Variants in RASL12 observed in about 807,000 individuals in gnomAD.
RASL12 encodes the protein RAS like family 12, also known as ras-like protein family member 12.
RASL12 carries 16 observed loss-of-function variants against 22.9 expected under a neutral mutation model. The observed-to-expected ratio is 0.70, with a 90% CI of 0.47 to 1.06. The LOEUF (loss-of-function observed/expected upper bound fraction) is 1.06, where lower values mean the gene tolerates loss of function less well. Ranked by LOEUF, RASL12 falls within the 50% of genes least tolerant of loss-of-function variation. The pLI, the probability that RASL12 is intolerant of heterozygous loss-of-function variation, is 0.00. For missense variants in RASL12, 306 were observed against 353.1 expected, an observed-to-expected ratio of 0.87 and a Z score of 1.07; for synonymous variants, 159 against 152.2, an observed-to-expected ratio of 1.04 and a Z score of -0.33.
downstream of RASL12, chr15:65,050,233 CG>C: frequency 1.4e-6 from 1 of 721,930 alleles, no homozygotes; most frequent in Non-Finnish European, 2.3e-6. Flanking sequence ...GGGAATCAGT[CG>C]GGGTGTCTCA....
chr15:65,067,613 C>A, intron 1 of RASL12, 120 bp downstream of exon 1: 1 of 1,229,840 alleles, frequency 8.1e-7, no homozygotes, highest in Non-Finnish European at 1.1e-6. Flanking sequence ...GTGCGACCCT[C>A]CTGGGTGAAG....
intron 1 of RASL12, among the ~76,000 whole-genome samples, chr15:65,067,382 T>C (rs535730071): frequency 1.7e-4 from 26 of 150,404 alleles, no homozygotes; most frequent in African/African-American, 5.9e-4. Context: ...GGTTGGAAGG[T>C]TGGTGGCAGG....
At chr15:65,071,562 G>A (rs1243891369), upstream of RASL12, among the ~76,000 whole-genome samples, 2 of 152,158 alleles carry the variant, frequency 1.3e-5, no homozygotes, top group Non-Finnish European at 1.5e-5. Context: ...CCACTGTCTG[G>A]CTGCTGGAGG....
In RASL12 at chr15:65,055,224, A is replaced by G. The variant is rs1198397511; in HGVS notation, c.476T>C (p.Leu159Pro). The change falls in exon 5 of 5, where the codon CTG (leucine) becomes CCG (proline). Residue 159 changes from leucine to proline, a missense_variant. Leu to Pro is a moderately conservative substitution (Grantham distance 98). Transcript: ENST00000220062. ...GVALAGRFGC[L>P]FFEVSACLDF... ...CAGACAGGCAGAGACCTCGAAAAACAGGCACCCAAACCTGCCTGCCAAAGC... is the reference window on the plus strand; with the variant it reads ...CAGACAGGCAGAGACCTCGAAAAACGGGCACCCAAACCTGCCTGCCAAAGC... 4 of 1,605,882 alleles carry G rather than the reference A, an allele frequency of 2.5e-6. No homozygotes were observed. Among genetic ancestry groups the G allele is most frequent in the African/African-American group, 1.3e-5 (1 of 74,842 alleles).
At chr15:65,046,620 A>C in the RASL12 span, among the ~76,000 whole-genome samples, 2 of 152,158 alleles carry the variant, frequency 1.3e-5, no homozygotes, top group Non-Finnish European at 2.9e-5. Flanking sequence ...AACATATTTT[A>C]AACATATTTT....
At chr15:65,059,302 A>G in intron 3 of RASL12, 43 bp downstream of exon 3, 1 of 1,545,232 alleles carries the variant, frequency 6.5e-7, no homozygotes. Context: ...TCAGGAGGCT[A>G]TACTGACTCA....
At chr15:65,071,723 T>C (rs1225093123), upstream of RASL12, among the ~76,000 whole-genome samples, 2 of 152,000 alleles carry the variant, frequency 1.3e-5, no homozygotes, top group Non-Finnish European at 2.9e-5. Flanking sequence ...TTCCATCTGG[T>C]TGTGTCTGCC....
chr15:65,061,437 T>C (rs2086803466), intron 2 of RASL12, among the ~76,000 whole-genome samples: 1 of 152,216 alleles, frequency 6.6e-6, no homozygotes, highest in Admixed American at 6.5e-5. Flanking sequence ...TTGGAGCTCG[T>C]ACTGTCCAGC....
At position 65,053,451 on chromosome 15, in the gene RASL12, G is replaced by C; in HGVS notation, c.*1448C>G. ...CACACATACACACACAAGTGGCCTG[G>C]AGCAAAAGTGCAAAATCCGTAGCTG... On this transcript the variant is annotated 3_prime_UTR_variant, in exon 5 of 5. Coordinates refer to ENST00000220062, the MANE Select transcript of RASL12 (RefSeq NM_016563.4). 8.4e-7 allele frequency: 1 copy of C among 1,191,118 alleles called. No individual in the cohort carries two copies. The highest frequency in any genetic ancestry group is 1.0e-6 in the Non-Finnish European group (1 of 959,306). The allele number at this position is 1,191,118 out of a possible 1,614,324, so 73.8% of individuals were successfully genotyped here.
chr15:65,061,865 C>A (rs2086809769), intron 2 of RASL12, among the ~76,000 whole-genome samples: 1 of 151,682 alleles, frequency 6.6e-6, no homozygotes, highest in African/African-American at 2.4e-5. Context: ...CTGCTGAACA[C>A]GGTGAAACCC....
downstream of RASL12, chr15:65,049,842 G>A (rs1328399625): frequency 2.0e-6 from 1 of 506,524 alleles, no homozygotes; most frequent in African/African-American, 2.0e-5. Context: ...TTTGGGCACA[G>A]AGGGAGATCA....
downstream of RASL12, chr15:65,050,131 G>T: frequency 6.5e-7 from 1 of 1,528,294 alleles, no homozygotes. Flanking sequence ...CGGCAGGGGT[G>T]GGGGTGTGCC....
rs1164963991 is a variant in RASL12, at chr15:65,059,393, A to G, written c.186T>C (p.Thr62=). The G allele has an allele frequency of 1.9e-6, 3 of 1,614,016 alleles. No individual in the cohort carries two copies. The South Asian group carries it at 3.3e-5, about 18-fold the overall frequency. Residue 62 remains threonine, a synonymous_variant, in exon 3 of 5, where the codon ACT becomes ACC. Coordinates refer to ENST00000220062, the MANE Select transcript of RASL12 (RefSeq NM_016563.4). ...TCAGGTGGACAGGCTGGTGGTCCACAGTCTCCTCGGAGCTGTAGGTGTCCT... is the reference window on the plus strand; with the variant it reads ...TCAGGTGGACAGGCTGGTGGTCCACGGTCTCCTCGGAGCTGTAGGTGTCCT... ...NLEDTYSSEE[T]VDHQPVHLRV...
chr15:65,072,325 C>T (rs532948826), upstream of RASL12, among the ~76,000 whole-genome samples: 94 of 152,348 alleles, frequency 6.2e-4, 3 homozygotes, highest in South Asian at 0.019. Flanking sequence ...TCCCCACATC[C>T]CATCACTGCT....
At chr15:65,063,360 C>T (rs2086836147) in intron 2 of RASL12, among the ~76,000 whole-genome samples, 1 of 152,168 alleles carries the variant, frequency 6.6e-6, no homozygotes, top group African/African-American at 2.4e-5. Flanking sequence ...TCCTGTCCTC[C>T]CACCTCACCT....
chr15:65,048,821 C>T (rs1185894875), downstream of RASL12, among the ~76,000 whole-genome samples: 1 of 151,984 alleles, frequency 6.6e-6, no homozygotes, highest in African/African-American at 2.4e-5. Flanking sequence ...CCAGCCTGGC[C>T]AACATGGTGA....
chr15:65,050,202 C>A (rs979826124), downstream of RASL12: 2 of 899,700 alleles, frequency 2.2e-6, no homozygotes, highest in African/African-American at 1.7e-5. Flanking sequence ...CCAGGTCAGG[C>A]GGTACATTTC....
chr15:65,053,394 T>G lies in RASL12; in HGVS notation c.*1505A>C, dbSNP rs1286602891. ...GCTCCTGGAAGGGAGCAGGTGGTAT[T>G]GCATAGTTTGTTCAGATGGCAGTGG... is the stretch of plus-strand genomic sequence containing the variant. On this transcript the variant is annotated 3_prime_UTR_variant, in exon 5 of 5. Transcript: ENST00000220062. The G allele has an allele frequency of 7.4e-7, 1 of 1,353,630 alleles. No homozygotes were observed. Among genetic ancestry groups the G allele is most frequent in the Non-Finnish European group, 9.5e-7 (1 of 1,054,998 alleles). 83.9% of individuals were successfully genotyped at this position (1,353,630 alleles called of 1,614,324 possible).
chr15:65,050,930 T>C (rs1455994882), downstream of RASL12, among the ~76,000 whole-genome samples: 2 of 146,464 alleles, frequency 1.4e-5, no homozygotes. Flanking sequence ...CTGCAAGCTC[T>C]GCCTCCTGGA....
Sources: allele counts gnomAD v4.1 joint callset (sites outside exome capture counted in the v4.1 genomes callset), GRCh38; gene constraint gnomAD v4.1.1; transcripts MANE v1.5; gene names NCBI Gene and HGNC (gene_info 2026-07-23, HGNC 2026-07-21).